The following PTPRF variants were observed in gnomAD, a reference collection of about 807,000 sequenced individuals.
PTPRF encodes the protein protein tyrosine phosphatase receptor type F, also known as receptor-type tyrosine-protein phosphatase F.
PTPRF carries 59 observed loss-of-function variants against 201.8 expected under a neutral mutation model. The observed-to-expected ratio is 0.29, with a 90% CI of 0.24 to 0.36. PTPRF has a LOEUF of 0.36. Among genes scored for constraint, PTPRF ranks in the 10% least tolerant of loss-of-function variants. The pLI is 1.00. For missense variants in PTPRF, 2,132 were observed against 2,690.5 expected (o/e 0.79, Z 4.59); for synonymous variants, 1,088 against 1,089.7 (o/e 1.00, Z 0.03).
At chr1:43,578,996 C>T (rs1371028287) in intron 7 of PTPRF, 76 bp downstream of exon 7, 1 of 1,391,224 alleles carries the variant, frequency 7.2e-7, no homozygotes. Flanking sequence ...GCCCAGAGCC[C>T]TTGGTGCAGA....
rs749713545 is a variant in PTPRF at position 43,618,757 on chromosome 1, C to T, written c.4491+8C>T. 2 of 1,594,480 alleles carry T rather than the reference C, an allele frequency of 1.3e-6. No individual in the cohort carries two copies. Among genetic ancestry groups the T allele is most frequent in the Non-Finnish European group, 1.7e-6 (2 of 1,163,920 alleles). ...ACCTTCGCACTCCACAAGGTATAGC[C>T]TTTCCCCAGTGCATATCTCTTACCC... On this transcript the variant is annotated splice_region_variant and intron_variant, in intron 26 of 33. Transcript: ENST00000359947.
At chr1:43,576,066 A>G (rs1646907936) in intron 6 of PTPRF, 1 of 681,150 alleles carries the variant, frequency 1.5e-6, no homozygotes, top group Non-Finnish European at 2.3e-6. Flanking sequence ...AGCACCCCCA[A>G]CACCACCGGC....
upstream of PTPRF, among the ~76,000 whole-genome samples, chr1:43,522,254 T>C (rs1319748779): frequency 6.6e-6 from 1 of 152,176 alleles, no homozygotes; most frequent in Non-Finnish European, 1.5e-5. Flanking sequence ...CACGCAAATA[T>C]CTGGGAAAAG....
chr1:43,610,343 A>T (rs1318335417), intron 22 of PTPRF, among the ~76,000 whole-genome samples: 1 of 152,254 alleles, frequency 6.6e-6, no homozygotes, highest in East Asian at 1.9e-4. Context: ...TGAGCTGGTT[A>T]TTCTGCATGT....
At chr1:43,608,734 T>C (rs1242118212) in intron 21 of PTPRF, among the ~76,000 whole-genome samples, 2 of 152,190 alleles carry the variant, frequency 1.3e-5, no homozygotes, top group African/African-American at 4.8e-5. Flanking sequence ...GGCATGTCCT[T>C]GTACCCACCT....
Position 43,622,417 on chromosome 1 carries a change from AC to A in PTPRF, c.*415del, listed in dbSNP as rs1659407940. ...CGAATCCGTATCTGCAGAATGGGCC[AC>A]TGTAGGGGTTGGGGTTTATTTTGTT... On this transcript the variant is annotated 3_prime_UTR_variant, in exon 34 of 34. Transcript: ENST00000359947. The A allele has an allele frequency of 5.7e-6, 1 of 175,254 alleles. No individual in the cohort carries two copies. Among genetic ancestry groups the A allele is most frequent in the Non-Finnish European group, 1.2e-5 (1 of 84,870 alleles). The allele number at this position is 175,254 out of a possible 1,614,324, so 10.9% of individuals were successfully genotyped here.
Position 43,553,556 on chromosome 1 carries a change from C to T in PTPRF, c.156C>T (p.Phe52=), listed in dbSNP as rs748125986. The change falls in exon 4 of 34, where the codon TTC becomes TTT. Residue 52 remains phenylalanine (F), a synonymous_variant. Transcript: ENST00000359947. The surrounding 1 kb of genome is among the most constrained non-coding windows in gnomAD (Gnocchi z 4.1). ...QTGLSGGVAS[F]VCQATGEPKP... ...GGCTGTCAGGAGGGGTAGCCTCCTT[C>T]GTGTGCCAAGCTACAGGAGAACCCA... is the stretch of plus-strand genomic sequence containing the variant. 8.1e-6 allele frequency: 13 copies of T among 1,614,068 alleles called. No homozygotes were observed. The highest frequency in any genetic ancestry group is 4.5e-5 in the East Asian group (2 of 44,870).
chr1:43,542,457 C>T lies in PTPRF; in HGVS notation c.-45-2574C>T, dbSNP rs1048880223. 1.3e-5 allele frequency among the ~76,000 whole-genome samples: 2 copies of T among 152,150 alleles called. No homozygotes were observed. Among genetic ancestry groups the T allele is most frequent in the Non-Finnish European group, 2.9e-5 (2 of 68,010 alleles). On this transcript the variant is annotated intron_variant, in intron 2 of 33. Transcript: ENST00000359947. This position sits in a 1 kb window ranked among gnomAD's most constrained non-coding sequence, Gnocchi z 5.2. ...TCTGAACAAAGTGTCCTGAGCACCC[C>T]AACCCAGATACACAGGGGGTTTCTG...
upstream of PTPRF, among the ~76,000 whole-genome samples, chr1:43,524,011 C>T (rs916505514): frequency 1.5e-5 from 2 of 132,876 alleles, no homozygotes; most frequent in African/African-American, 2.8e-5. Flanking sequence ...TGCAGTGAGC[C>T]GAGATCGCAT....
rs1643406724 is a variant in PTPRF, at chr1:43,530,988, G to GGCGGGA, written c.-221_-216dup. 1 of 157,482 alleles carries GGCGGGA rather than the reference G, an allele frequency of 6.3e-6. No homozygotes were observed. The highest frequency in any genetic ancestry group is 2.4e-5 in the African/African-American group (1 of 41,122). The allele number at this position is 157,482 out of a possible 1,614,324, so 9.8% of individuals were successfully genotyped here. ...CTCCGGCTCCAGCTCGGGTGGCGGT[G>GGCGGGA]GCGGGAGCGGGACCAGGTGGAGGCG... On this transcript the variant is annotated 5_prime_UTR_variant, in exon 1 of 34. Coordinates refer to ENST00000359947, the MANE Select transcript of PTPRF (RefSeq NM_002840.5). This position sits in a 1 kb window ranked among gnomAD's most constrained non-coding sequence, Gnocchi z 4.1.
intron 23 of PTPRF, among the ~76,000 whole-genome samples, chr1:43,616,774 G>T (rs774594675): frequency 6.6e-6 from 1 of 152,124 alleles, no homozygotes; most frequent in Non-Finnish European, 1.5e-5. Context: ...GGGTACTCGG[G>T]GAAGAGCTCT....
chr1:43,555,442 CTTTTTTTTTT>C lies in PTPRF; in HGVS notation c.379+1513_379+1522del, dbSNP rs986469997. ...CTAAATATTCTTCTGTATCATTATTCTTTTTTTTTTTTTTTTTTTTTGAGACGGAGTCTAG... is the reference window on the plus strand; with the variant it reads ...CTAAATATTCTTCTGTATCATTATTCTTTTTTTTTTTGAGACGGAGTCTAG... On this transcript the variant is annotated intron_variant, in intron 5 of 33. Transcript: ENST00000359947. 2.1e-4 allele frequency among the ~76,000 whole-genome samples: 24 copies of C among 115,560 alleles called. No individual in the cohort carries two copies. The East Asian group carries it at 5.7e-3, about 28-fold the overall frequency. The allele number at this position is 115,560 out of a possible 152,430, so 75.8% of individuals were successfully genotyped here. A position where few individuals can be genotyped will look rare whatever the true frequency, so the allele number is the denominator to read the frequency against.
At chr1:43,612,141 A>G (rs977698158) in intron 22 of PTPRF, among the ~76,000 whole-genome samples, 2 of 152,142 alleles carry the variant, frequency 1.3e-5, no homozygotes, top group African/African-American at 2.4e-5. Context: ...GGAGTTGTGC[A>G]AGGGACGAGA....
intron 3 of PTPRF, among the ~76,000 whole-genome samples, chr1:43,545,873 G>A (rs1475490591): frequency 2.6e-5 from 4 of 152,164 alleles, no homozygotes; most frequent in African/African-American, 9.7e-5. Flanking sequence ...TCCCTTTCCT[G>A]CTGCCCTTCC....
chr1:43,545,615 C>T (rs1035539822), intron 3 of PTPRF, among the ~76,000 whole-genome samples: 16 of 152,064 alleles, frequency 1.1e-4, no homozygotes, highest in African/African-American at 3.4e-4. Context: ...GGGTCAAAAG[C>T]GGGAGCCACC....
chr1:43,598,755 C>T lies in PTPRF; in HGVS notation c.2155C>T (p.Pro719Ser). ...SGPPRKVEVE[P>S]LNSTAVHVYW... ...GCCTCCGCGGAAGGTGGAGGTGGAG[C>T]CACTGAACTCCACTGCTGTGCATGT... Residue 719 changes from proline (P) to serine (S), a missense_variant, in exon 13 of 34, where the codon CCA (proline) becomes TCA (serine). Pro to Ser is a moderately conservative substitution (Grantham distance 74, BLOSUM62 -1). Coordinates refer to ENST00000359947, the MANE Select transcript of PTPRF (RefSeq NM_002840.5). 1 of 1,614,028 alleles carries T rather than the reference C, an allele frequency of 6.2e-7. No homozygotes were observed. Among genetic ancestry groups the T allele is most frequent in the Non-Finnish European group, 8.5e-7 (1 of 1,179,892 alleles).
intron 5 of PTPRF, among the ~76,000 whole-genome samples, chr1:43,555,392 A>T (rs1645295238): frequency 6.6e-6 from 1 of 152,056 alleles, no homozygotes; most frequent in African/African-American, 2.4e-5. Flanking sequence ...AACAAAAAAA[A>T]ATATGGCTAA....
intron 20 of PTPRF, 78 bp from the exon 21 acceptor site, chr1:43,606,736 T>C: frequency 6.4e-7 from 1 of 1,555,272 alleles, no homozygotes; most frequent in Non-Finnish European, 8.7e-7. Context: ...CCCAGAGCCC[T>C]TTCTCCAGGA....
chr1:43,604,272 C>A, intron 16 of PTPRF, 83 bp downstream of exon 16: 1 of 1,399,858 alleles, frequency 7.1e-7, no homozygotes, highest in Non-Finnish European at 9.7e-7. Context: ...TGACCTCTGG[C>A]GACTGTGATC....
Sources: allele counts gnomAD v4.1 joint callset (sites outside exome capture counted in the v4.1 genomes callset), GRCh38; gene constraint gnomAD v4.1.1; non-coding constraint Gnocchi (gnomAD v3.1); transcripts MANE v1.5; gene names NCBI Gene and HGNC (gene_info 2026-07-23, HGNC 2026-07-21).